Variants in RABGAP1L observed in about 807,000 individuals in gnomAD.
The protein encoded by RABGAP1L is RAB GTPase activating protein 1 like.
RABGAP1L carries 63 observed loss-of-function variants against 137.7 expected under a neutral mutation model. The ratio of observed to expected loss-of-function variants is 0.46; its 90% CI spans 0.37 to 0.56. The LOEUF (loss-of-function observed/expected upper bound fraction) is 0.56, where lower values mean the gene tolerates loss of function less well. RABGAP1L is among the 20% of genes least tolerant of loss of function. RABGAP1L has a pLI of 0.00. For missense variants in RABGAP1L, 1,095 were observed against 1,244.0 expected, an observed-to-expected ratio of 0.88 and a Z score of 1.80; for synonymous variants, 431 against 433.7, an observed-to-expected ratio of 0.99 and a Z score of 0.08.
At chr1:174,478,094 T>A (rs1018436798) in intron 13 of RABGAP1L, among the ~76,000 whole-genome samples, 1 of 152,088 alleles carries the variant, frequency 6.6e-6, no homozygotes, top group Admixed American at 6.6e-5. Flanking sequence ...AGAATAATAT[T>A]TATCTAGTAT....
At chr1:174,723,590 G>C (rs1233891427) in intron 17 of RABGAP1L, among the ~76,000 whole-genome samples, 1 of 151,980 alleles carries the variant, frequency 6.6e-6, no homozygotes, top group Non-Finnish European at 1.5e-5. Flanking sequence ...ATGTCTTTTC[G>C]ACACATGTAT....
chr1:174,291,271 T>G (rs1676580446), intron 10 of RABGAP1L, among the ~76,000 whole-genome samples: 1 of 152,118 alleles, frequency 6.6e-6, no homozygotes, highest in African/African-American at 2.4e-5. Context: ...TACATTGATT[T>G]TTTTTAAACA....
intron 7 of RABGAP1L, among the ~76,000 whole-genome samples, chr1:174,268,483 G>A (rs1674271453): frequency 6.6e-6 from 1 of 152,026 alleles, no homozygotes; most frequent in Non-Finnish European, 1.5e-5. Context: ...GATTACAAGC[G>A]TGAGCCACTG....
At chr1:174,908,368 G>T (rs1421565826) in intron 19 of RABGAP1L, among the ~76,000 whole-genome samples, 4 of 151,998 alleles carry the variant, frequency 2.6e-5, no homozygotes, top group Non-Finnish European at 5.9e-5. Flanking sequence ...TCAGCACATG[G>T]AATATTCCCC....
rs774544035 is a variant in RABGAP1L at position 174,448,196 on chromosome 1, C to A, written c.1710+54051C>A. On this transcript the variant is annotated intron_variant, in intron 13 of 25. Transcript: ENST00000681986. This position sits in a 1 kb window ranked among gnomAD's most constrained non-coding sequence, Gnocchi z 4.2. The stretch of plus-strand genomic sequence containing the variant: ...TGTGTCCGAGCGTCACTCCTGCCCA[C>A]TTGGATTTGGCCACTACAGTGTGGT... The A allele has an allele frequency of 2.5e-6, 4 of 1,613,910 alleles. No homozygotes were observed. Among genetic ancestry groups the A allele is most frequent in the Non-Finnish European group, 3.4e-6 (4 of 1,179,856 alleles).
intron 16 of RABGAP1L, chr1:174,701,011 G>A: frequency 2.4e-6 from 3 of 1,246,644 alleles, no homozygotes; most frequent in Non-Finnish European, 3.1e-6. Flanking sequence ...TCCATTTGAA[G>A]TACCTAATGG....
At chr1:174,534,880 A>T (rs1664781095) in intron 13 of RABGAP1L, among the ~76,000 whole-genome samples, 1 of 151,864 alleles carries the variant, frequency 6.6e-6, no homozygotes, top group African/African-American at 2.4e-5. Context: ...AATAAGGGTT[A>T]CTTGAACATA....
chr1:174,628,936 TATC>T (rs1301389152), intron 13 of RABGAP1L, among the ~76,000 whole-genome samples: 8 of 152,192 alleles, frequency 5.3e-5, no homozygotes, highest in Non-Finnish European at 1.2e-4. Context: ...AAAAATAAAA[TATC>T]ATAAGAAAGC....
In RABGAP1L at chr1:174,702,135, G is replaced by A. The variant is rs757100889; in HGVS notation, c.2048G>A (p.Ser683Asn). ...LMQEQLPDLHSHFSDLNLEAH... is the reference protein window; with the variant it reads ...LMQEQLPDLHNHFSDLNLEAH... ...TAGGAACAGCTACCGGACCTGCATA[G>A]CCATTTTTCTGATCTGAACCTGGAA... Residue 683 changes from serine to asparagine, a missense_variant, in exon 17 of 26, where the codon AGC (serine) becomes AAC (asparagine). Ser to Asn is a conservative substitution (Grantham distance 46, BLOSUM62 1). Transcript: ENST00000681986. The A allele has an allele frequency of 1.2e-6, 2 of 1,611,258 alleles. No homozygotes were observed. The highest frequency in any genetic ancestry group is 3.4e-5 in the Admixed American group (2 of 59,416).
intron 13 of RABGAP1L, among the ~76,000 whole-genome samples, chr1:174,624,233 C>T (rs1237965006): frequency 6.6e-6 from 1 of 152,170 alleles, no homozygotes; most frequent in African/African-American, 2.4e-5. Flanking sequence ...TTGTTGAGCC[C>T]AGCCCAGGCC....
At chr1:174,882,151 T>C (rs1654341701) in intron 19 of RABGAP1L, among the ~76,000 whole-genome samples, 1 of 152,206 alleles carries the variant, frequency 6.6e-6, no homozygotes, top group Non-Finnish European at 1.5e-5. Context: ...ATCTGATAAC[T>C]GCACTGTGAA....
chr1:174,276,927 C>T (rs912692715), intron 9 of RABGAP1L, among the ~76,000 whole-genome samples: 1 of 151,886 alleles, frequency 6.6e-6, no homozygotes, highest in Non-Finnish European at 1.5e-5. Flanking sequence ...ATATGCCTAC[C>T]CTAAGTGCTT....
intron 3 of RABGAP1L, among the ~76,000 whole-genome samples, chr1:174,223,442 CAAAAAAAAAAA>C (rs370743713): frequency 1.9e-5 from 1 of 53,352 alleles, no homozygotes; most frequent in Non-Finnish European, 3.7e-5. Flanking sequence ...GACTCCATCT[CAAAAAAAAAAA>C]AAAAAAAAAG....
In RABGAP1L at chr1:174,250,521, C is replaced by T; in HGVS notation, c.764C>T (p.Ser255Phe). Residue 255 changes from serine (S) to phenylalanine (F), a missense_variant, in exon 6 of 26, where the codon TCC (serine) becomes TTC (phenylalanine). Physicochemically the swap from Ser to Phe is radical, Grantham distance 155 (BLOSUM62 -2). Around this residue, in one of 4 missense-constraint regions of RABGAP1L, gnomAD observed 356 missense variants for 326.3 expected, o/e 1.09. Coordinates refer to ENST00000681986, the MANE Select transcript of RABGAP1L (RefSeq NM_001366446.1). ...TTCTGTACAGCATTCAAACGTTCTTCCAGACAAGTGTCTGATGTTAAAGAC... is the reference window on the plus strand; with the variant it reads ...TTCTGTACAGCATTCAAACGTTCTTTCAGACAAGTGTCTGATGTTAAAGAC... Reference protein sequence around the residue: ...YSFCTAFKRSSRQVSDVKDSV... With the variant: ...YSFCTAFKRSFRQVSDVKDSV... 6.2e-7 allele frequency: 1 copy of T among 1,613,370 alleles called. No homozygotes were observed. Among genetic ancestry groups the T allele is most frequent in the Non-Finnish European group, 8.5e-7 (1 of 1,179,506 alleles).
At chr1:174,170,203 T>C (rs1422447295) in intron 1 of RABGAP1L, among the ~76,000 whole-genome samples, 2 of 152,212 alleles carry the variant, frequency 1.3e-5, no homozygotes, top group Non-Finnish European at 2.9e-5. Flanking sequence ...ACACAACTTC[T>C]TTCTCCTCTT....
At chr1:174,635,015 C>G (rs1471068280) in intron 13 of RABGAP1L, among the ~76,000 whole-genome samples, 1 of 145,928 alleles carries the variant, frequency 6.9e-6, no homozygotes, top group Non-Finnish European at 1.5e-5. Context: ...CACATGTACC[C>G]TAAAACTTAA....
intron 11 of RABGAP1L, among the ~76,000 whole-genome samples, chr1:174,350,099 A>C (rs1187505253): frequency 2.0e-4 from 22 of 108,050 alleles, no homozygotes; most frequent in South Asian, 1.0e-3. Flanking sequence ...TGACCCCCCC[A>C]CCTCCCTCCC....
chr1:174,694,531 ATCAT>A (rs1679108950), intron 15 of RABGAP1L, among the ~76,000 whole-genome samples: 1 of 151,500 alleles, frequency 6.6e-6, no homozygotes, highest in Non-Finnish European at 1.5e-5. Context: ...ACATGAACTC[ATCAT>A]TTTTTATGGC....
intron 11 of RABGAP1L, among the ~76,000 whole-genome samples, chr1:174,318,745 T>G (rs567208151): frequency 6.6e-6 from 1 of 151,988 alleles, no homozygotes; most frequent in East Asian, 1.9e-4. Context: ...TTTTATCTTT[T>G]ATGTATTTGC....
Sources: gnomAD v4.1 joint callset for allele counts (sites outside exome capture counted in the v4.1 genomes callset) on GRCh38, gnomAD v4.1.1 for gene constraint, gnomAD v4.1.1 regional missense constraint, Gnocchi (gnomAD v3.1) non-coding constraint, MANE v1.5 for transcripts, NCBI Gene and HGNC (gene_info 2026-07-23, HGNC 2026-07-21) for gene names.